Variants in CMYA5 observed in about 807,000 individuals in gnomAD.
CMYA5 encodes cardiomyopathy-associated protein 5.
A neutral mutation model predicts 318.9 loss-of-function variants in CMYA5; 246 were observed. The ratio of observed to expected loss-of-function variants is 0.77; its 90% CI spans 0.70 to 0.86. The LOEUF is 0.86. Among genes scored for constraint, CMYA5 ranks in the 40% least tolerant of loss-of-function variants. CMYA5 has a pLI of 0.00. For synonymous variants in CMYA5, 1,641 were observed against 1,729.5 expected (o/e 0.95, Z 1.27); for missense variants, 4,589 against 4,678.2 (o/e 0.98, Z 0.56).
intron 9 of CMYA5, among the ~76,000 whole-genome samples, chr5:79,768,992 C>G (rs1828806514): frequency 1.3e-5 from 2 of 151,898 alleles, no homozygotes; most frequent in Non-Finnish European, 2.9e-5. Flanking sequence ...TTTGTTTGTT[C>G]CTTTTCATTT....
intron 9 of CMYA5, among the ~76,000 whole-genome samples, chr5:79,770,456 G>A (rs1418053181): frequency 1.3e-5 from 2 of 152,218 alleles, no homozygotes; most frequent in Non-Finnish European, 2.9e-5. Context: ...GAATCTCCTG[G>A]TCTACAGGTT....
intron 6 of CMYA5, among the ~76,000 whole-genome samples, chr5:79,755,166 C>T (rs998986444): frequency 1.3e-5 from 2 of 152,152 alleles, no homozygotes; most frequent in African/African-American, 4.8e-5. Context: ...ATGCTTAACT[C>T]CCCCAGTGTG....
At chr5:79,748,565 C>G (rs1348521271) in intron 5 of CMYA5, among the ~76,000 whole-genome samples, 1 of 150,794 alleles carries the variant, frequency 6.6e-6, no homozygotes, top group Non-Finnish European at 1.5e-5. Flanking sequence ...TTTTTTGAGC[C>G]AGGGTCTCAC....
rs1000071855 is a variant in CMYA5 at position 79,722,036 on chromosome 5, A to G, written c.150-6879A>G. On this transcript the variant is annotated intron_variant, in intron 1 of 12. Coordinates refer to ENST00000446378, the MANE Select transcript of CMYA5 (RefSeq NM_153610.5). ...GAACATATGTTCTTTTCATGAACCC[A>G]TAAACATTTTTCTTAAAATGGCCAT... Among the ~76,000 whole-genome samples the G allele has an allele frequency of 3.9e-5, 6 of 152,354 alleles. No individual in the cohort carries two copies. The East Asian group carries it at 9.6e-4, about 24-fold the overall frequency.
intron 6 of CMYA5, 82 bp downstream of exon 6, chr5:79,752,876 A>T: frequency 1.1e-6 from 1 of 945,620 alleles, no homozygotes; most frequent in Non-Finnish European, 1.6e-6. Context: ...ATATATACAA[A>T]AGATTTTGAG....
intron 1 of CMYA5, among the ~76,000 whole-genome samples, chr5:79,706,142 A>T (rs1261125999): frequency 6.6e-6 from 1 of 152,106 alleles, no homozygotes; most frequent in Non-Finnish European, 1.5e-5. Flanking sequence ...TGGTCCTGCG[A>T]TGCTGCCAAT....
At chr5:79,746,463 A>C (rs902605285) in intron 4 of CMYA5, among the ~76,000 whole-genome samples, 4 of 149,454 alleles carry the variant, frequency 2.7e-5, no homozygotes, top group African/African-American at 9.9e-5. Flanking sequence ...CATAATGTTA[A>C]TTAAGTGCTT....
rs1828114886 is a variant in CMYA5 at position 79,737,823 on chromosome 5, A to G, written c.9058A>G (p.Lys3020Glu). ...DEKVTPLKENKQKETHKTKEE... is the reference protein window; with the variant it reads ...DEKVTPLKENEQKETHKTKEE... ...AAAAGTTACCCCATTGAAAGAAAAT[A>G]AACAAAAGGAAACTCATAAGACAAA... The change falls in exon 2 of 13, where the codon AAA becomes GAA. Residue 3020 changes from lysine to glutamate, a missense_variant. Lys to Glu is a moderately conservative substitution (Grantham distance 56). Transcript: ENST00000446378. 6.2e-7 allele frequency: 1 copy of G among 1,604,720 alleles called. No individual in the cohort carries two copies. Among genetic ancestry groups the G allele is most frequent in the African/African-American group, 1.4e-5 (1 of 74,062 alleles).
In CMYA5 at chr5:79,729,206, G is replaced by A. The variant is rs930718528; in HGVS notation, c.441G>A (p.Arg147=). ...KSKHGSPSLR[R]KGNRKRNSFE... is the part of the protein sequence containing the mutation. ...AGCATGGTTCACCATCATTACGCCG[G>A]AAAGGCAACAGAAAAAGAAATTCTT... The change falls in exon 2 of 13, where the codon CGG becomes CGA. Residue 147 remains arginine, a synonymous_variant. Transcript: ENST00000446378. The A allele has an allele frequency of 5.6e-6, 9 of 1,612,794 alleles. No homozygotes were observed. Among genetic ancestry groups the A allele is most frequent in the Non-Finnish European group, 6.8e-6 (8 of 1,179,630 alleles).
chr5:79,708,120 A>T (rs2151077480), intron 1 of CMYA5, among the ~76,000 whole-genome samples: 1 of 152,380 alleles, frequency 6.6e-6, no homozygotes, highest in East Asian at 1.9e-4. Flanking sequence ...TATGAGACAC[A>T]TTCAGACCAT....
In CMYA5 at chr5:79,730,402, C is replaced by T. The variant is rs755863929; in HGVS notation, c.1637C>T (p.Pro546Leu). The change falls in exon 2 of 13, where the codon CCC becomes CTC. Residue 546 changes from proline (P) to leucine (L), a missense_variant. Physicochemically the swap from Pro to Leu is moderately conservative, Grantham distance 98. This residue lies in a region of CMYA5 where 2,132 missense variants were observed against 2,131.3 expected (regional missense o/e 1.00). Transcript: ENST00000446378. Reference sequence around the variant, plus strand: ...GAAAGCCCATTGGTTTCCGAGAAGCCCTTCCCACCACATATGTCCCCTGAA... The same window carrying T: ...GAAAGCCCATTGGTTTCCGAGAAGCTCTTCCCACCACATATGTCCCCTGAA... ...YPESPLVSEK[P>L]FPPHMSPEVE... 6.8e-6 allele frequency: 11 copies of T among 1,613,844 alleles called. No individual in the cohort carries two copies. Among genetic ancestry groups the T allele is most frequent in the Middle Eastern group, 1.7e-4 (1 of 6,060 alleles).
rs1827854206 is a variant in CMYA5 at position 79,730,205 on chromosome 5, C to T, written c.1440C>T (p.Val480=). 2 of 1,613,768 alleles carry T rather than the reference C, an allele frequency of 1.2e-6. No homozygotes were observed. Among genetic ancestry groups the T allele is most frequent in the African/African-American group, 1.3e-5 (1 of 74,880 alleles). ...SAKLTPTHPS[V]KGEKEENMLE... The stretch of plus-strand genomic sequence containing the variant: ...AACTGACCCCTACCCATCCCAGTGT[C>T]AAAGGAGAGAAGGAGGAAAACATGC... The change falls in exon 2 of 13, where the codon GTC becomes GTT. Residue 480 remains valine, a synonymous_variant. Coordinates refer to ENST00000446378, the MANE Select transcript of CMYA5 (RefSeq NM_153610.5).
rs117588200 is a variant in CMYA5 at position 79,726,624 on chromosome 5, G to A, written c.150-2291G>A. ...TAATTTATAGCACACTAGGGTGAATGGATCTGGCTGCTTGCTATTGCAGGC... is the reference window on the plus strand; with the variant it reads ...TAATTTATAGCACACTAGGGTGAATAGATCTGGCTGCTTGCTATTGCAGGC... On this transcript the variant is annotated intron_variant, in intron 1 of 12. Coordinates refer to ENST00000446378, the MANE Select transcript of CMYA5 (RefSeq NM_153610.5). 2.9e-4 allele frequency among the ~76,000 whole-genome samples: 44 copies of A among 152,278 alleles called. No individual in the cohort carries two copies. The East Asian group carries it at 8.3e-3, about 29-fold the overall frequency.
rs1393959719 is a variant in CMYA5, at chr5:79,734,835, G to A, written c.6070G>A (p.Ala2024Thr). Residue 2024 changes from alanine to threonine, a missense_variant, in exon 2 of 13, where the codon GCA becomes ACA. Coordinates refer to ENST00000446378, the MANE Select transcript of CMYA5 (RefSeq NM_153610.5). ...GAGTGAAAGTTTGCTATTGGAGAAA[G>A]CAAACACAGAGCTTTCCTGGCCTTC... ...MESESLLLEK[A>T]NTELSWPSKE... The A allele has an allele frequency of 1.2e-6, 2 of 1,613,730 alleles. No individual in the cohort carries two copies. The highest frequency in any genetic ancestry group is 1.7e-6 in the Non-Finnish European group (2 of 1,179,802).
chr5:79,701,414 A>G (rs1000581164), intron 1 of CMYA5, among the ~76,000 whole-genome samples: 5 of 152,232 alleles, frequency 3.3e-5, no homozygotes, highest in African/African-American at 4.8e-5. Context: ...GGATATCCTA[A>G]TTACCCTGAC....
chr5:79,776,736 A>ATGT (rs1016774176), intron 9 of CMYA5, among the ~76,000 whole-genome samples: 59 of 152,190 alleles, frequency 3.9e-4, no homozygotes, highest in Middle Eastern at 6.3e-3. Context: ...GACTGCCTGA[A>ATGT]TGTTGGTGCT....
intron 2 of CMYA5, among the ~76,000 whole-genome samples, chr5:79,741,999 C>CCTCCTACTG (rs769197151): frequency 6.6e-6 from 1 of 151,944 alleles, no homozygotes; most frequent in Admixed American, 6.6e-5. Flanking sequence ...GGCAATTCCT[C>CCTCCTACTG]CTCCTACTGC....
rs765920981 is a variant in CMYA5 at position 79,799,610 on chromosome 5, C to G, written c.12204C>G (p.His4068Gln). The G allele has an allele frequency of 6.2e-7, 1 of 1,608,304 alleles. No homozygotes were observed. Among genetic ancestry groups the G allele is most frequent in the South Asian group, 1.1e-5 (1 of 90,502 alleles). The change falls in exon 13 of 13, where the codon CAC becomes CAG. Residue 4068 changes from histidine to glutamine, a missense_variant. By Grantham distance (24) the His-to-Gln change is conservative. This residue lies in a region of CMYA5 where 2,431 missense variants were observed against 2,495.1 expected (regional missense o/e 0.97). Transcript: ENST00000446378. Reference protein sequence around the residue: ...LGIEPPDSVRHK With the variant: ...LGIEPPDSVRQK ...TAGAGCCCCCGGATTCTGTAAGGCA[C>G]AAGTGATCCTTGGCTTTCAGAATTT...
At chr5:79,761,620 C>A (rs1828652813) in intron 7 of CMYA5, among the ~76,000 whole-genome samples, 191 bp from the exon 8 acceptor site, 1 of 152,150 alleles carries the variant, frequency 6.6e-6, no homozygotes, top group South Asian at 2.1e-4. Context: ...CTATGTCATC[C>A]TAAGTATCTC....
Sources: allele counts gnomAD v4.1 joint callset (sites outside exome capture counted in the v4.1 genomes callset), GRCh38; gene constraint gnomAD v4.1.1; regional missense constraint gnomAD v4.1.1; transcripts MANE v1.5; gene names NCBI Gene and HGNC (gene_info 2026-07-23, HGNC 2026-07-21).